Variants in CHST10 observed in about 807,000 individuals in gnomAD.
The protein encoded by CHST10 is HNK-1 sulfotransferase.
Under a neutral mutation model 34.7 loss-of-function variants are expected in CHST10, and 24 were observed. The ratio of observed to expected loss-of-function variants is 0.69; its 90% confidence interval spans 0.50 to 0.97. CHST10 has a LOEUF of 0.97. CHST10 is among the 50% of genes least tolerant of loss of function. The pLI is 0.00. For synonymous variants in CHST10, 161 were observed against 169.3 expected (o/e 0.95, Z 0.38); for missense variants, 402 against 452.1 (o/e 0.89, Z 1.00).
intron 3 of CHST10, among the ~76,000 whole-genome samples, chr2:100,405,507 CG>C (rs1558641903): frequency 2.0e-5 from 3 of 152,232 alleles, no homozygotes; most frequent in Admixed American, 1.3e-4. Flanking sequence ...TGTAGGACAT[CG>C]GGCAGTCCTT....
intron 4 of CHST10, among the ~76,000 whole-genome samples, chr2:100,399,788 T>A (rs967273663): frequency 1.3e-5 from 2 of 152,198 alleles, no homozygotes; most frequent in Non-Finnish European, 2.9e-5. Context: ...TGGGATTCCC[T>A]GGTGGTGGGA....
At chr2:100,394,358 T>C (rs141355543) in intron 6 of CHST10, among the ~76,000 whole-genome samples, 196 of 152,148 alleles carry the variant, frequency 1.3e-3, no homozygotes, top group Non-Finnish European at 2.5e-3. Flanking sequence ...GCAGTGACGA[T>C]GACAAAGACG....
chr2:100,410,429 A>G (rs769529680), intron 2 of CHST10, among the ~76,000 whole-genome samples: 3 of 152,210 alleles, frequency 2.0e-5, no homozygotes, highest in Non-Finnish European at 4.4e-5. Context: ...ATATGGGCTC[A>G]TGCTGGTCAG....
In CHST10 at chr2:100,405,221, C is replaced by T. The variant is rs548902398; in HGVS notation, c.100+1355G>A. On this transcript the variant is annotated intron_variant, in intron 3 of 6. Coordinates refer to ENST00000264249, the MANE Select transcript of CHST10 (RefSeq NM_004854.5). Reference sequence around the variant, plus strand: ...GCTCTGCTGACGGAACCCCGAGTCCCGGGCGTGAGCTGTCATGCTCAGTGA... The same window carrying T: ...GCTCTGCTGACGGAACCCCGAGTCCTGGGCGTGAGCTGTCATGCTCAGTGA... Among the ~76,000 whole-genome samples the T allele has an allele frequency of 7.2e-5, 11 of 152,328 alleles. No homozygotes were observed. In the East Asian group the frequency reaches 1.9e-3, roughly 27 times the overall value.
intron 2 of CHST10, 147 bp downstream of exon 2, chr2:100,414,894 A>T (rs1199541731): frequency 1.7e-5 from 7 of 401,600 alleles, no homozygotes; most frequent in Admixed American, 1.3e-4. Context: ...GCATGCTCCT[A>T]TTATTATATT....
At chr2:100,408,006 C>T (rs974344736) in intron 2 of CHST10, 10 of 151,872 alleles carry the variant, frequency 6.6e-5, no homozygotes, top group African/African-American at 2.2e-4. Flanking sequence ...ACTTATACTC[C>T]CCCCCAAAAC....
chr2:100,417,138 A>T (rs1676099795), intron 1 of CHST10: 1 of 1,079,414 alleles, frequency 9.3e-7, no homozygotes, highest in African/African-American at 1.6e-5. Context: ...CACAATATCA[A>T]TAATTCCGCG....
chr2:100,405,211 C>G (rs2104362754), intron 3 of CHST10, among the ~76,000 whole-genome samples: 1 of 152,344 alleles, frequency 6.6e-6, no homozygotes, highest in Middle Eastern at 3.4e-3. Context: ...GCTGACGGAA[C>G]CCCGAGTCCC....
intron 4 of CHST10, among the ~76,000 whole-genome samples, chr2:100,399,331 C>A (rs912491902): frequency 3.3e-5 from 5 of 152,162 alleles, no homozygotes; most frequent in African/African-American, 1.2e-4. Flanking sequence ...TGGTCTTGAT[C>A]TCCTGACCTT....
At chr2:100,402,518 G>C in intron 4 of CHST10, 46 bp downstream of exon 4, 1 of 1,526,384 alleles carries the variant, frequency 6.6e-7, no homozygotes. Flanking sequence ...CCGCGACAAG[G>C]GTGCCGTGTT....
Position 100,397,260 on chromosome 2 carries a change from A to T in CHST10, c.427+648T>A, listed in dbSNP as rs1433647696. Among the ~76,000 whole-genome samples the T allele has an allele frequency of 2.0e-5, 3 of 152,232 alleles. No homozygotes were observed. In the East Asian group the frequency reaches 5.8e-4, roughly 29 times the overall value. On this transcript the variant is annotated intron_variant, in intron 5 of 6. Transcript: ENST00000264249. ...TAAATAAATAGACATCTCTAAAAAGAGTAGTGAGTAATCAAAACTGCAGTG... is the reference window on the plus strand; with the variant it reads ...TAAATAAATAGACATCTCTAAAAAGTGTAGTGAGTAATCAAAACTGCAGTG...
chr2:100,400,909 G>C (rs150444597), intron 4 of CHST10, among the ~76,000 whole-genome samples: 1,837 of 152,088 alleles, frequency 0.012, 20 homozygotes, highest in South Asian at 0.024. Context: ...TTGAACTCCT[G>C]ACCTCAGGTG....
Position 100,393,818 on chromosome 2 carries a change from C to G in CHST10, c.534-36G>C, listed in dbSNP as rs1674919452. On this transcript the variant is annotated intron_variant, in intron 6 of 6. Transcript: ENST00000264249. ...AAACGAACAAGAGGTTAACTTGATG[C>G]CACAGGAGGTCACAGCTGAGGGGGC... The G allele has an allele frequency of 3.2e-6, 5 of 1,553,702 alleles. No homozygotes were observed. In the South Asian group the frequency reaches 3.4e-5, roughly 11 times the overall value.
intron 2 of CHST10, chr2:100,407,589 C>T (rs1003493053): frequency 1.4e-4 from 21 of 152,288 alleles, no homozygotes; most frequent in African/African-American, 5.1e-4. Context: ...GTGCTGATGG[C>T]AAATAATTTC....
chr2:100,392,877 G>A lies in CHST10; in HGVS notation c.*368C>T. The A allele has an allele frequency of 4.3e-6, 1 of 231,704 alleles. No individual in the cohort carries two copies. The highest frequency in any genetic ancestry group is 8.5e-6 in the Non-Finnish European group (1 of 117,568). The allele number at this position is 231,704 out of a possible 1,614,324, so 14.4% of individuals were successfully genotyped here. On this transcript the variant is annotated 3_prime_UTR_variant, in exon 7 of 7. Transcript: ENST00000264249. ...GTGAAGCCACCCTGACTAGCCAGGA[G>A]AACCTCAGGGGCATCCCCTTCCTTA...
In CHST10 at chr2:100,393,069, T is replaced by C; in HGVS notation, c.*176A>G. 1.5e-6 allele frequency: 1 copy of C among 648,362 alleles called. No homozygotes were observed. The highest frequency in any genetic ancestry group is 2.0e-5 in the South Asian group (1 of 50,714). The allele number at this position is 648,362 out of a possible 1,614,324, so 40.2% of individuals were successfully genotyped here. ...TCCTCAGAGCATCTTACATCCAAAC[T>C]AAGTTGTAACAGTTGGGGTTCTGCG... is the stretch of plus-strand genomic sequence containing the variant. On this transcript the variant is annotated 3_prime_UTR_variant, in exon 7 of 7. Coordinates refer to ENST00000264249, the MANE Select transcript of CHST10 (RefSeq NM_004854.5).
intron 2 of CHST10, among the ~76,000 whole-genome samples, chr2:100,407,007 C>T (rs1675607764): frequency 6.6e-6 from 1 of 152,172 alleles, no homozygotes; most frequent in South Asian, 2.1e-4. Flanking sequence ...CACATTTGAT[C>T]CCTGACTCCT....
intron 3 of CHST10, among the ~76,000 whole-genome samples, chr2:100,404,386 T>G (rs1675476153): frequency 6.6e-6 from 1 of 152,172 alleles, no homozygotes; most frequent in Admixed American, 6.5e-5. Flanking sequence ...TTCACTCGCC[T>G]GAAGGCAGCC....
In CHST10 at chr2:100,392,684, A is replaced by G. The variant is rs1184988424; in HGVS notation, c.*561T>C. On this transcript the variant is annotated 3_prime_UTR_variant, in exon 7 of 7. Transcript: ENST00000264249. The stretch of plus-strand genomic sequence containing the variant: ...TCTACAGGAACAAAATAGTCACAGA[A>G]AGAATGCTTTGCCTCCACAATTGTC... The G allele has an allele frequency of 6.2e-6, 1 of 160,570 alleles. No homozygotes were observed. The highest frequency in any genetic ancestry group is 1.4e-5 in the Non-Finnish European group (1 of 72,444). 9.9% of individuals were successfully genotyped at this position (160,570 alleles called of 1,614,324 possible).
Sources: gnomAD v4.1 joint callset for allele counts (sites outside exome capture counted in the v4.1 genomes callset) on GRCh38, gnomAD v4.1.1 for gene constraint, MANE v1.5 for transcripts, NCBI Gene and HGNC (gene_info 2026-07-23, HGNC 2026-07-21) for gene names.